GABRB1: variants seen among roughly 807,000 people sequenced by gnomAD.
GABRB1 encodes the protein gamma-aminobutyric acid receptor subunit beta-1.
GABRB1 carries 17 observed loss-of-function variants against 51.6 expected under a neutral mutation model. The observed-to-expected ratio is 0.33, with a 90% CI of 0.23 to 0.49. The LOEUF (loss-of-function observed/expected upper bound fraction) is 0.49. Ranked by LOEUF, GABRB1 falls within the 20% of genes least tolerant of loss-of-function variation. The pLI is 0.99. For missense variants in GABRB1, 410 were observed against 600.6 expected, an observed-to-expected ratio of 0.68 and a Z score of 3.32; for synonymous variants, 247 against 218.9, an observed-to-expected ratio of 1.13 and a Z score of -1.14.
chr4:47,032,851 C>T (rs909797880), intron 3 of GABRB1: 2 of 421,324 alleles, frequency 4.7e-6, no homozygotes, highest in Non-Finnish European at 4.9e-6. Context: ...GTCCCCGGAC[C>T]GGTGGTCGGC....
intron 5 of GABRB1, among the ~76,000 whole-genome samples, chr4:47,329,104 G>T (rs912176105): frequency 2.0e-5 from 3 of 152,020 alleles, no homozygotes; most frequent in Non-Finnish European, 4.4e-5. Context: ...GACATGAGTA[G>T]TTCTATAAAA....
chr4:47,291,656 T>C (rs1723737040), intron 4 of GABRB1, among the ~76,000 whole-genome samples: 1 of 152,202 alleles, frequency 6.6e-6, no homozygotes, highest in African/African-American at 2.4e-5. Flanking sequence ...GCTACCTCTT[T>C]CATCAGCGTG....
chr4:47,217,747 A>G (rs1048386058), intron 4 of GABRB1, among the ~76,000 whole-genome samples: 1 of 151,210 alleles, frequency 6.6e-6, no homozygotes, highest in Admixed American at 6.6e-5. Flanking sequence ...GTTCCATGTG[A>G]CATTTAGATA....
chr4:47,350,208 TATATATATATAGAG>T lies in GABRB1; in HGVS notation c.544+30001_544+30014del, dbSNP rs1414896755. Among the ~76,000 whole-genome samples the T allele has an allele frequency of 8.6e-4, 79 of 91,894 alleles. 1 individual carries two copies. The highest frequency in any genetic ancestry group is 0.011 in the Middle Eastern group (2 of 180). 60.3% of individuals were successfully genotyped at this position (91,894 alleles called of 152,430 possible). Reference sequence around the variant, plus strand: ...TTATATATATATATATATATATATATATATATATATAGAGAGAGAGAGAGAGAGAGAGAGAGGTT... The same window carrying T: ...TTATATATATATATATATATATATATAGAGAGAGAGAGAGAGAGAGAGGTT... On this transcript the variant is annotated intron_variant, in intron 5 of 8. Transcript: ENST00000295454.
At chr4:47,255,517 T>C (rs1343410932) in intron 4 of GABRB1, among the ~76,000 whole-genome samples, 1 of 152,222 alleles carries the variant, frequency 6.6e-6, no homozygotes, top group African/African-American at 2.4e-5. Context: ...ATTGTCCTCT[T>C]CCTAGAAGAA....
intron 5 of GABRB1, among the ~76,000 whole-genome samples, chr4:47,385,055 G>C (rs141527485): frequency 6.6e-6 from 1 of 152,106 alleles, no homozygotes; most frequent in African/African-American, 2.4e-5. Flanking sequence ...ATATTAACAC[G>C]AAAGACTTTG....
chr4:47,033,848 GAA>G (rs1440504760), intron 3 of GABRB1, among the ~76,000 whole-genome samples: 1 of 152,086 alleles, frequency 6.6e-6, no homozygotes, highest in Admixed American at 6.6e-5. Context: ...GCTGGAAAAA[GAA>G]ACTCAATTTT....
chr4:47,402,539 C>T (rs1411654033), intron 5 of GABRB1, among the ~76,000 whole-genome samples: 1 of 152,146 alleles, frequency 6.6e-6, no homozygotes, highest in East Asian at 1.9e-4. Flanking sequence ...AATGATAACC[C>T]AGCTAGACCA....
At chr4:47,268,467 G>GT (rs928199093) in intron 4 of GABRB1, among the ~76,000 whole-genome samples, 1 of 152,018 alleles carries the variant, frequency 6.6e-6, no homozygotes, top group Non-Finnish European at 1.5e-5. Context: ...AAATCTTTTA[G>GT]TTTTTTTCCT....
chr4:47,424,071 T>C (rs1232202030), intron 8 of GABRB1, among the ~76,000 whole-genome samples: 1 of 151,938 alleles, frequency 6.6e-6, no homozygotes, highest in African/African-American at 2.4e-5. Context: ...CAATGATAGG[T>C]AAAAAAGGAG....
intron 4 of GABRB1, among the ~76,000 whole-genome samples, chr4:47,191,302 A>G (rs1201024276): frequency 1.3e-5 from 2 of 152,180 alleles, no homozygotes; most frequent in African/African-American, 4.8e-5. Context: ...GTTTTCAAAA[A>G]TCACATGGCA....
At chr4:47,229,802 G>A (rs1025680306) in intron 4 of GABRB1, among the ~76,000 whole-genome samples, 1 of 152,080 alleles carries the variant, frequency 6.6e-6, no homozygotes, top group African/African-American at 2.4e-5. Context: ...GTTAAGGGAT[G>A]TTTAACTTTG....
At chr4:47,050,375 A>T (rs1161066177) in intron 3 of GABRB1, among the ~76,000 whole-genome samples, 1 of 152,162 alleles carries the variant, frequency 6.6e-6, no homozygotes, top group Non-Finnish European at 1.5e-5. Flanking sequence ...TTCTAATTTT[A>T]TTGGAGAGTT....
At chr4:47,074,224 A>G (rs1727458539) in intron 3 of GABRB1, among the ~76,000 whole-genome samples, 1 of 152,212 alleles carries the variant, frequency 6.6e-6, no homozygotes, top group Non-Finnish European at 1.5e-5. Context: ...TATATTAAAA[A>G]TGCCTGTACA....
Position 47,055,447 on chromosome 4 carries a change from G to T in GABRB1, c.240+22963G>T, listed in dbSNP as rs143882504. Among the ~76,000 whole-genome samples, 37 of 152,266 alleles carry T rather than the reference G, an allele frequency of 2.4e-4. 1 individual carries two copies. The highest frequency in any genetic ancestry group is 8.9e-4 in the African/African-American group (37 of 41,542). Reference sequence around the variant, plus strand: ...TTAATTACCTGTTTTAGTGTAGAAGGCACTCAAGTGGTAACCGAGCGGACA... The same window carrying T: ...TTAATTACCTGTTTTAGTGTAGAAGTCACTCAAGTGGTAACCGAGCGGACA... On this transcript the variant is annotated intron_variant, in intron 3 of 8. Coordinates refer to ENST00000295454, the MANE Select transcript of GABRB1 (RefSeq NM_000812.4).
intron 3 of GABRB1, among the ~76,000 whole-genome samples, chr4:47,065,454 T>C (rs1727035424): frequency 6.6e-6 from 1 of 152,180 alleles, no homozygotes; most frequent in African/African-American, 2.4e-5. Context: ...CAATGATAGC[T>C]CCATTCACAA....
chr4:47,179,170 G>A (rs1317863117), intron 4 of GABRB1, among the ~76,000 whole-genome samples: 1 of 151,972 alleles, frequency 6.6e-6, no homozygotes, highest in African/African-American at 2.4e-5. Flanking sequence ...CTGTGCCCAT[G>A]TGCTCTCATT....
At chr4:47,337,626 T>C (rs1376294020) in intron 5 of GABRB1, among the ~76,000 whole-genome samples, 1 of 151,528 alleles carries the variant, frequency 6.6e-6, no homozygotes, top group Non-Finnish European at 1.5e-5. Context: ...CAAGCAGGTT[T>C]AGTAGAAACC....
intron 5 of GABRB1, among the ~76,000 whole-genome samples, chr4:47,358,419 TGAGA>T (rs139057428): frequency 1.4e-5 from 2 of 142,234 alleles, no homozygotes; most frequent in Admixed American, 1.4e-4. Flanking sequence ...AGAGAGAGAG[TGAGA>T]GAGAGAGAGA....
Sources: gnomAD v4.1 joint callset for allele counts (sites outside exome capture counted in the v4.1 genomes callset) on GRCh38, gnomAD v4.1.1 for gene constraint, MANE v1.5 for transcripts, NCBI Gene and HGNC (gene_info 2026-07-23, HGNC 2026-07-21) for gene names.